Variants in PCDH15 observed in about 807,000 individuals in gnomAD.
PCDH15 encodes the protein protocadherin-15.
PCDH15 carries 129 observed loss-of-function variants against 178.5 expected under a neutral mutation model. That is an observed-to-expected ratio of 0.72 (90% CI 0.63 to 0.84). PCDH15 has a LOEUF of 0.84. Among genes scored for constraint, PCDH15 ranks in the 40% least tolerant of loss-of-function variants. The probability of loss-of-function intolerance (pLI) is 0.00; values close to 1 mark genes in which losing one functional copy is unlikely to be tolerated. For missense variants in PCDH15, 2,230 were observed against 2,099.9 expected (o/e 1.06, Z -1.21); for synonymous variants, 800 against 732.0 (o/e 1.09, Z -1.50).
At chr10:55,123,628 G>T (rs1837826327) in intron 2 of PCDH15, among the ~76,000 whole-genome samples, 1 of 152,038 alleles carries the variant, frequency 6.6e-6, no homozygotes, top group African/African-American at 2.4e-5. Flanking sequence ...ATTGTGAGAT[G>T]GGAAGCTAAG....
intron 2 of PCDH15, among the ~76,000 whole-genome samples, chr10:55,514,987 A>AT (rs35469059): frequency 0.11 from 13,481 of 120,220 alleles, 1,024 homozygotes; most frequent in Middle Eastern, 0.22. Context: ...AGATAGATAG[A>AT]TTTTTTTTTT....
chr10:54,277,629 G>A (rs574032818), intron 8 of PCDH15, among the ~76,000 whole-genome samples: 1 of 151,704 alleles, frequency 6.6e-6, no homozygotes, highest in South Asian at 2.1e-4. Flanking sequence ...AAATTTAACT[G>A]GTTTTCTGTG....
At chr10:54,845,990 C>T (rs186653548) in intron 3 of PCDH15, among the ~76,000 whole-genome samples, 12 of 152,074 alleles carry the variant, frequency 7.9e-5, no homozygotes, top group African/African-American at 2.4e-4. Context: ...ACTTAAAAAG[C>T]GCATAATTTA....
At chr10:54,425,668 G>T (rs1433712534) in intron 3 of PCDH15, among the ~76,000 whole-genome samples, 2 of 152,062 alleles carry the variant, frequency 1.3e-5, no homozygotes, top group African/African-American at 2.4e-5. Flanking sequence ...ATGTCATAAG[G>T]TTTTCAGCAT....
At chr10:55,183,342 T>C (rs867575207) in intron 1 of PCDH15, among the ~76,000 whole-genome samples, 1 of 151,978 alleles carries the variant, frequency 6.6e-6, no homozygotes, top group African/African-American at 2.4e-5. Flanking sequence ...TGATACATAT[T>C]GTAAATTATC....
At chr10:55,591,968 T>C (rs1842850195) in intron 2 of PCDH15, among the ~76,000 whole-genome samples, 2 of 152,148 alleles carry the variant, frequency 1.3e-5, no homozygotes, top group Non-Finnish European at 2.9e-5. Context: ...TTGAGTTCTA[T>C]ACATGTAAAT....
At chr10:53,844,156 G>A (rs976118379) in intron 28 of PCDH15, among the ~76,000 whole-genome samples, 12 of 151,976 alleles carry the variant, frequency 7.9e-5, no homozygotes, top group Admixed American at 3.9e-4. Flanking sequence ...GATCACGTGG[G>A]GACTTTGAGG....
At chr10:54,536,944 T>C (rs2084602428) in intron 2 of PCDH15, among the ~76,000 whole-genome samples, 1 of 151,830 alleles carries the variant, frequency 6.6e-6, no homozygotes, top group African/African-American at 2.4e-5. Context: ...TTGTGAATAG[T>C]ACTGCAATGA....
intron 2 of PCDH15, among the ~76,000 whole-genome samples, chr10:55,021,559 A>G (rs1840328824): frequency 6.6e-6 from 1 of 152,184 alleles, no homozygotes; most frequent in Non-Finnish European, 1.5e-5. Flanking sequence ...CCCTGAAAGA[A>G]GTGAGTCTTG....
At chr10:54,442,417 TATA>T (rs1565287659) in intron 3 of PCDH15, among the ~76,000 whole-genome samples, 3,319 of 60,692 alleles carry the variant, frequency 0.055, 383 homozygotes, top group Middle Eastern at 0.088. Context: ...TTAAAGGCTA[TATA>T]TATATATATA....
At chr10:54,768,267 T>C (rs1206101789) in intron 1 of PCDH15, among the ~76,000 whole-genome samples, 1 of 152,104 alleles carries the variant, frequency 6.6e-6, no homozygotes, top group African/African-American at 2.4e-5. Context: ...ATAAGCTGCT[T>C]GGGCACACTT....
At chr10:53,996,676 T>C (rs1014084519) in intron 20 of PCDH15, among the ~76,000 whole-genome samples, 3 of 152,148 alleles carry the variant, frequency 2.0e-5, no homozygotes, top group African/African-American at 7.2e-5. Flanking sequence ...GACCATATTT[T>C]TCTGAATCAT....
intron 6 of PCDH15, among the ~76,000 whole-genome samples, chr10:54,333,725 G>A (rs1588881085): frequency 1.3e-5 from 2 of 152,170 alleles, no homozygotes; most frequent in Admixed American, 1.3e-4. Context: ...TAGATTCCTA[G>A]CATCTATTAC....
chr10:54,097,252 T>G (rs1449068536), intron 15 of PCDH15, among the ~76,000 whole-genome samples: 1 of 152,244 alleles, frequency 6.6e-6, no homozygotes, highest in African/African-American at 2.4e-5. Context: ...TAATTATATC[T>G]ATCCCTCTCC....
At chr10:55,434,080 T>TTCTTTTC (rs1263966816) in intron 2 of PCDH15, among the ~76,000 whole-genome samples, 1 of 125,866 alleles carries the variant, frequency 7.9e-6, no homozygotes, top group African/African-American at 3.3e-5. Context: ...TTCTTTTCTT[T>TTCTTTTC]TTTTTTTTTT....
intron 2 of PCDH15, among the ~76,000 whole-genome samples, chr10:54,536,912 C>T (rs926689974): frequency 6.6e-6 from 1 of 150,812 alleles, no homozygotes; most frequent in African/African-American, 2.4e-5. Flanking sequence ...CGGGCACTTA[C>T]ATTGAATCCA....
chr10:55,083,092 A>G (rs1842084076), intron 2 of PCDH15, among the ~76,000 whole-genome samples: 1 of 151,874 alleles, frequency 6.6e-6, no homozygotes. Flanking sequence ...AGAAAAAGAT[A>G]CGTCAAATAG....
At chr10:55,020,099 A>C (rs10825432) in intron 2 of PCDH15, among the ~76,000 whole-genome samples, 67,571 of 146,642 alleles carry the variant, frequency 0.46, 17,258 homozygotes, top group East Asian at 0.75. Context: ...CCCTCTCTCT[A>C]TATATAATAT....
At chr10:54,030,481 CCA>C (rs2093261603) in intron 18 of PCDH15, among the ~76,000 whole-genome samples, 1 of 151,272 alleles carries the variant, frequency 6.6e-6, no homozygotes, top group Admixed American at 6.6e-5. Flanking sequence ...TTTTCACTCT[CCA>C]CACAAATGCC....
Sources: allele counts gnomAD v4.1 joint callset (sites outside exome capture counted in the v4.1 genomes callset), GRCh38; gene constraint gnomAD v4.1.1; transcripts MANE v1.5; gene names NCBI Gene and HGNC (gene_info 2026-07-23, HGNC 2026-07-21).